CXXC5: variants seen among roughly 807,000 people sequenced by gnomAD.
CXXC5 encodes the protein CXXC-type zinc finger protein 5.
In CXXC5, 2 loss-of-function variants were observed where a neutral mutation model predicts 17.6. The ratio of observed to expected loss-of-function variants is 0.11; its 90% CI spans 0.05 to 0.36. The LOEUF (loss-of-function observed/expected upper bound fraction) is 0.36, where lower values mean the gene tolerates loss of function less well. Among genes scored for constraint, CXXC5 ranks in the 10% least tolerant of loss-of-function variants. The pLI, the probability that CXXC5 is intolerant of heterozygous loss-of-function variation, is 1.00. For synonymous variants in CXXC5, 171 were observed against 193.0 expected, an observed-to-expected ratio of 0.89 and a Z score of 0.94; for missense variants, 343 against 458.3, an observed-to-expected ratio of 0.75 and a Z score of 2.30.
rs1561554411 is a variant in CXXC5 at position 139,683,219 on chromosome 5, G to A, written c.*312G>A. The A allele has an allele frequency of 1.1e-5, 3 of 265,310 alleles. No individual in the cohort carries two copies. The highest frequency in any genetic ancestry group is 2.2e-5 in the African/African-American group (1 of 45,416). 16.4% of individuals were successfully genotyped at this position (265,310 alleles called of 1,614,324 possible). A position where few individuals can be genotyped will look rare whatever the true frequency, so the allele number is the denominator to read the frequency against. The stretch of plus-strand genomic sequence containing the variant: ...AGAATGGACAATCAGTTTCCTTCCT[G>A]TGTCGATGTCGATGTTGTCTGTGCA... On this transcript the variant is annotated 3_prime_UTR_variant, in exon 3 of 3. Transcript: ENST00000302517.
At chr5:139,659,815 C>T (rs1052760671) in intron 1 of CXXC5, among the ~76,000 whole-genome samples, 1 of 152,186 alleles carries the variant, frequency 6.6e-6, no homozygotes, top group Non-Finnish European at 1.5e-5. Context: ...GAGGCTGGTC[C>T]CTCCTGCCCT....
intron 1 of CXXC5, among the ~76,000 whole-genome samples, chr5:139,678,611 T>G (rs1287800769): frequency 2.0e-5 from 3 of 152,164 alleles, no homozygotes; most frequent in Admixed American, 6.5e-5. Context: ...CTTTGGCCAC[T>G]CCTTAGTCCT....
intron 1 of CXXC5, among the ~76,000 whole-genome samples, chr5:139,678,410 G>T (rs537345723): frequency 6.6e-6 from 1 of 152,240 alleles, no homozygotes; most frequent in African/African-American, 2.4e-5. Flanking sequence ...CCCTGCCAGG[G>T]CCCCCCGGCT....
At chr5:139,678,718 C>T (rs895319990) in intron 1 of CXXC5, among the ~76,000 whole-genome samples, 1 of 152,140 alleles carries the variant, frequency 6.6e-6, no homozygotes, top group African/African-American at 2.4e-5. Flanking sequence ...GGCTTGAGTC[C>T]TGTGACTAGG....
Position 139,661,196 on chromosome 5 carries a change from G to T in CXXC5, c.-161+12351G>T, listed in dbSNP as rs1464582520. ...CCCGCGCCGCCCCCCCACCTCTTGC[G>T]CTGTCGGCCATCAGCCCAGCAGAGC... is the stretch of plus-strand genomic sequence containing the variant. On this transcript the variant is annotated intron_variant, in intron 1 of 2. Coordinates refer to ENST00000302517, the MANE Select transcript of CXXC5 (RefSeq NM_016463.9). This position sits in a 1 kb window ranked among gnomAD's most constrained non-coding sequence, Gnocchi z 4.7. Among the ~76,000 whole-genome samples the T allele has an allele frequency of 6.6e-6, 1 of 152,196 alleles. No homozygotes were observed. The highest frequency in any genetic ancestry group is 6.5e-5 in the Admixed American group (1 of 15,290).
At chr5:139,673,937 C>T (rs1756631664) in intron 1 of CXXC5, among the ~76,000 whole-genome samples, 1 of 152,112 alleles carries the variant, frequency 6.6e-6, no homozygotes, top group Admixed American at 6.5e-5. Flanking sequence ...TTGGCACCCA[C>T]CCCAGCAGGA....
rs936264175 is a variant in CXXC5 at position 139,668,287 on chromosome 5, G to A, written c.-160-12077G>A. 6.6e-6 allele frequency among the ~76,000 whole-genome samples: 1 copy of A among 152,094 alleles called. No individual in the cohort carries two copies. The highest frequency in any genetic ancestry group is 2.4e-5 in the African/African-American group (1 of 41,414). ...GAGGGGAGGCCAGCCTTCTCGGTGCGGAATCTCCTTGGCCCAGGCCTTCCC... is the reference window on the plus strand; with the variant it reads ...GAGGGGAGGCCAGCCTTCTCGGTGCAGAATCTCCTTGGCCCAGGCCTTCCC... On this transcript the variant is annotated intron_variant, in intron 1 of 2. Transcript: ENST00000302517. This position sits in a 1 kb window ranked among gnomAD's most constrained non-coding sequence, Gnocchi z 4.1.
chr5:139,659,773 G>GC (rs1755684103), intron 1 of CXXC5: 1 of 152,212 alleles, frequency 6.6e-6, no homozygotes, highest in Admixed American at 6.5e-5. Context: ...GGTCCTTTAG[G>GC]CCCCGGGGCC....
intron 1 of CXXC5, chr5:139,659,714 G>T (rs1755680192): frequency 6.6e-6 from 1 of 152,232 alleles, no homozygotes. Flanking sequence ...GGGCAGTGGG[G>T]GTGTCGGCAG....
Position 139,680,233 on chromosome 5 carries a change from T to G in CXXC5, c.-160-131T>G, listed in dbSNP as rs1757101004. ...ATAAGAAATTTCTCACCAGGATGGA[T>G]CTGGTGCTTAATAAATGCCTGGTCA... On this transcript the variant is annotated intron_variant, in intron 1 of 2. Transcript: ENST00000302517. 8.1e-6 allele frequency: 4 copies of G among 495,672 alleles called. No individual in the cohort carries two copies. In the East Asian group the frequency reaches 1.4e-4, roughly 17 times the overall value. 30.7% of individuals were successfully genotyped at this position (495,672 alleles called of 1,614,324 possible).
rs373740936 is a variant in CXXC5, at chr5:139,681,045, C to T, written c.522C>T (p.Arg174=). ...CGCAGTCCACAGAGATGCTGAAGCG[C>T]GTGGTGCAGGAGCATCTCCCGCTGA... ...QFAQSTEMLK[R]VVQEHLPLMS... The change falls in exon 2 of 3, where the codon CGC becomes CGT. Residue 174 remains arginine (R), a synonymous_variant. Coordinates refer to ENST00000302517, the MANE Select transcript of CXXC5 (RefSeq NM_016463.9). The T allele has an allele frequency of 1.5e-5, 24 of 1,610,864 alleles. No individual in the cohort carries two copies. The highest frequency in any genetic ancestry group is 1.8e-5 in the Non-Finnish European group (21 of 1,179,956).
At chr5:139,657,681 G>A (rs1755562263) in intron 1 of CXXC5, among the ~76,000 whole-genome samples, 1 of 152,214 alleles carries the variant, frequency 6.6e-6, no homozygotes, top group Admixed American at 6.5e-5. Flanking sequence ...CTTCTTTGAG[G>A]ACCACAATTT....
intron 1 of CXXC5, among the ~76,000 whole-genome samples, chr5:139,673,416 A>G (rs1006077801): frequency 6.6e-6 from 1 of 152,186 alleles, no homozygotes; most frequent in Non-Finnish European, 1.5e-5. Flanking sequence ...GCCTGTCTTT[A>G]TCAGAGGCAT....
chr5:139,674,657 A>T (rs1014198830), intron 1 of CXXC5, among the ~76,000 whole-genome samples: 2 of 152,228 alleles, frequency 1.3e-5, no homozygotes, highest in Non-Finnish European at 2.9e-5. Context: ...ATTAAATTAT[A>T]TGTATACTTT....
intron 1 of CXXC5, among the ~76,000 whole-genome samples, chr5:139,675,983 A>T (rs1756760454): frequency 6.6e-6 from 1 of 150,478 alleles, no homozygotes; most frequent in Non-Finnish European, 1.5e-5. Context: ...GGTGGCCTCC[A>T]CTGCCAGGAA....
intron 1 of CXXC5, among the ~76,000 whole-genome samples, chr5:139,674,247 A>G (rs1756651776): frequency 6.6e-6 from 1 of 152,152 alleles, no homozygotes; most frequent in Non-Finnish European, 1.5e-5. Context: ...AATCATGGAA[A>G]TCAGAGACGG....
Position 139,668,988 on chromosome 5 carries a change from G to A in CXXC5, c.-160-11376G>A, listed in dbSNP as rs957417568. Among the ~76,000 whole-genome samples the A allele has an allele frequency of 6.6e-6, 1 of 152,170 alleles. No individual in the cohort carries two copies. Among genetic ancestry groups the A allele is most frequent in the African/African-American group, 2.4e-5 (1 of 41,442 alleles). On this transcript the variant is annotated intron_variant, in intron 1 of 2. Transcript: ENST00000302517. This position sits in a 1 kb window ranked among gnomAD's most constrained non-coding sequence, Gnocchi z 4.1. ...GTCTCCTCTCTTGGGGGGTTGCTGA[G>A]GGGGTGGAGGTAATGTCTGGACCTA...
intron 1 of CXXC5, among the ~76,000 whole-genome samples, chr5:139,672,346 G>A (rs961621789): frequency 3.3e-5 from 5 of 152,184 alleles, no homozygotes; most frequent in African/African-American, 9.6e-5. Flanking sequence ...TCGAACTCCC[G>A]ACCTCAGGTG....
chr5:139,657,629 G>A (rs1755558636), intron 1 of CXXC5, among the ~76,000 whole-genome samples: 1 of 152,204 alleles, frequency 6.6e-6, no homozygotes, highest in African/African-American at 2.4e-5. Flanking sequence ...TGTGGCCAGA[G>A]AGCAATAGGC....
Sources: allele counts gnomAD v4.1 joint callset (sites outside exome capture counted in the v4.1 genomes callset), GRCh38; gene constraint gnomAD v4.1.1; non-coding constraint Gnocchi (gnomAD v3.1); transcripts MANE v1.5; gene names NCBI Gene and HGNC (gene_info 2026-07-23, HGNC 2026-07-21).